TEX261: variants seen among roughly 807,000 people sequenced by gnomAD.
TEX261 encodes testis expressed 261.
A neutral mutation model predicts 25.1 loss-of-function variants in TEX261; 13 were observed. The observed-to-expected ratio is 0.52, with a 90% CI of 0.34 to 0.82. The LOEUF is 0.82. Among genes scored for constraint, TEX261 ranks in the 40% least tolerant of loss-of-function variants. The probability of loss-of-function intolerance (pLI) is 0.02; values close to 1 mark genes in which losing one functional copy is unlikely to be tolerated. For synonymous variants in TEX261, 92 were observed against 97.8 expected (o/e 0.94, Z 0.35); for missense variants, 206 against 243.2 (o/e 0.85, Z 1.02).
intron 1 of TEX261, chr2:70,994,448 G>C: frequency 1.7e-6 from 1 of 573,510 alleles, no homozygotes; most frequent in East Asian, 3.4e-5. Flanking sequence ...CGGCACTCGA[G>C]TCACCCTTTC....
chr2:70,994,546 G>A (rs1273703311), intron 1 of TEX261, 142 bp downstream of exon 1: 1 of 1,241,262 alleles, frequency 8.1e-7, no homozygotes, highest in Non-Finnish European at 1.1e-6. Context: ...GGCAGGATCA[G>A]GCGGGAAGGG....
At chr2:70,993,394 G>A (rs1670341957) in intron 2 of TEX261, among the ~76,000 whole-genome samples, 1 of 152,228 alleles carries the variant, frequency 6.6e-6, no homozygotes, top group African/African-American at 2.4e-5. Flanking sequence ...AAGACAGCGG[G>A]AGAGAGCTAA....
rs184076130 is a variant in TEX261 at position 70,992,052 on chromosome 2, C to T, written c.151-69G>A. On this transcript the variant is annotated intron_variant, in intron 2 of 5. Transcript: ENST00000272438. The stretch of plus-strand genomic sequence containing the variant: ...CAACGTTCCTGGACTCACCAACCCC[C>T]AGCCCGCTCTGGGCAGCACTAGGTT... 4.7e-3 allele frequency: 6,892 copies of T among 1,462,454 alleles called. 30 individuals carry two copies. Among genetic ancestry groups the T allele is most frequent in the Non-Finnish European group, 5.9e-3 (6,437 of 1,097,880 alleles). 90.6% of individuals were successfully genotyped at this position (1,462,454 alleles called of 1,614,324 possible).
At chr2:70,990,763 A>G (rs1358834907) in intron 3 of TEX261, among the ~76,000 whole-genome samples, 13 of 152,074 alleles carry the variant, frequency 8.5e-5, no homozygotes, top group Admixed American at 8.5e-4. Flanking sequence ...CTTTTGGAAA[A>G]ACTCTTTTAG....
rs1670212951 is a variant in TEX261 at position 70,987,456 on chromosome 2, C to T, written c.*1144G>A. 1 of 152,650 alleles carries T rather than the reference C, an allele frequency of 6.6e-6. No individual in the cohort carries two copies. Among genetic ancestry groups the T allele is most frequent in the Non-Finnish European group, 1.5e-5 (1 of 68,056 alleles). 9.5% of individuals were successfully genotyped at this position (152,650 alleles called of 1,614,324 possible). A position where few individuals can be genotyped will look rare whatever the true frequency, so the allele number is the denominator to read the frequency against. ...GCCAGCCTCACTTTGAGGTATAGAA[C>T]ATGGCCAGAAATGGCTCTCATAGGG... On this transcript the variant is annotated 3_prime_UTR_variant, in exon 6 of 6. Coordinates refer to ENST00000272438, the MANE Select transcript of TEX261 (RefSeq NM_144582.3).
At position 70,988,541 on chromosome 2, in the gene TEX261, T is replaced by C. The variant is rs1281377538; in HGVS notation, c.*59A>G. On this transcript the variant is annotated 3_prime_UTR_variant, in exon 6 of 6. Transcript: ENST00000272438. Reference sequence around the variant, plus strand: ...CCCGACTTCTGGTCCCCACCTGGCATAGAGGCCCAGGGGCCTGACTCTCCT... The same window carrying C: ...CCCGACTTCTGGTCCCCACCTGGCACAGAGGCCCAGGGGCCTGACTCTCCT... 2.2e-6 allele frequency: 3 copies of C among 1,372,194 alleles called. No homozygotes were observed. The highest frequency in any genetic ancestry group is 1.8e-4 in the Middle Eastern group (1 of 5,410). The allele number at this position is 1,372,194 out of a possible 1,614,324, so 85.0% of individuals were successfully genotyped here. A position where few individuals can be genotyped will look rare whatever the true frequency, so the allele number is the denominator to read the frequency against.
intron 3 of TEX261, 76 bp from the exon 4 acceptor site, chr2:70,989,892 A>G (rs1297591237): frequency 9.3e-7 from 1 of 1,071,388 alleles, no homozygotes; most frequent in African/African-American, 1.6e-5. Flanking sequence ...AAAGGCCCTC[A>G]GAAGTTGGGA....
intron 3 of TEX261, among the ~76,000 whole-genome samples, chr2:70,990,927 AAGGAAG>A (rs2104872338): frequency 6.6e-6 from 1 of 152,300 alleles, no homozygotes; most frequent in South Asian, 2.1e-4. Context: ...AATCACACCC[AAGGAAG>A]AAACCAGTTT....
At chr2:70,994,428 G>C (rs1472107299) in intron 1 of TEX261, 1 of 549,658 alleles carries the variant, frequency 1.8e-6, no homozygotes, top group East Asian at 3.5e-5. Context: ...GCGGTCCGCA[G>C]ACGCGGGGGC....
chr2:70,992,830 C>CT (rs1453890253), intron 2 of TEX261, among the ~76,000 whole-genome samples: 4 of 152,074 alleles, frequency 2.6e-5, no homozygotes, highest in Non-Finnish European at 5.9e-5. Flanking sequence ...ATTTATGTTC[C>CT]TTTTTTTAAA....
chr2:70,989,059 C>T (rs1553425312), intron 4 of TEX261, 42 bp from the exon 5 acceptor site: 1 of 1,560,104 alleles, frequency 6.4e-7, no homozygotes, highest in East Asian at 2.3e-5. Context: ...CCCGGAGGTG[C>T]CAAGAGTGGG....
Position 70,987,524 on chromosome 2 carries a change from T to C in TEX261, c.*1076A>G, listed in dbSNP as rs942110111. 1.3e-5 allele frequency: 2 copies of C among 152,612 alleles called. No homozygotes were observed. Among genetic ancestry groups the C allele is most frequent in the South Asian group, 2.1e-4 (1 of 4,832 alleles). The allele number at this position is 152,612 out of a possible 1,614,324, so 9.5% of individuals were successfully genotyped here. On this transcript the variant is annotated 3_prime_UTR_variant, in exon 6 of 6. Coordinates refer to ENST00000272438, the MANE Select transcript of TEX261 (RefSeq NM_144582.3). ...ACTGTTGAGCACTTGCAAGGCACTA[T>C]AGTTGGAGTGCAAGGTCAACAAATG...
In TEX261 at chr2:70,994,730, G is replaced by A. The variant is rs1553426051; in HGVS notation, c.28C>T (p.Leu10=). The A allele has an allele frequency of 6.2e-7, 1 of 1,606,764 alleles. No individual in the cohort carries two copies. The highest frequency in any genetic ancestry group is 8.5e-7 in the Non-Finnish European group (1 of 1,177,374). MWFMYLLSW[L]SLFIQVAFIT... ...AAGGCCACCTGGATGAAGAGCGACA[G>A]CCAGCTCAGCAGGTACATGAACCAC... The change falls in exon 1 of 6, where the codon CTG becomes TTG. Residue 10 remains leucine, a synonymous_variant. Coordinates refer to ENST00000272438, the MANE Select transcript of TEX261 (RefSeq NM_144582.3).
intron 2 of TEX261, among the ~76,000 whole-genome samples, 163 bp from the exon 3 acceptor site, chr2:70,992,146 ATT>A (rs112462352): frequency 2.9e-4 from 39 of 136,554 alleles, no homozygotes; most frequent in African/African-American, 5.9e-4. Flanking sequence ...AAAAGGCAAC[ATT>A]TTTTTTTTTT....
At position 70,988,791 on chromosome 2, in the gene TEX261, C is replaced by CCTCCCAACCCCGAGTCCAGGTGT. The variant is rs1670244757; in HGVS notation, c.476-99_476-77dup. ...GTGTGCGCATGTGTGTGAACACGGC[C>CCTCCCAACCCCGAGTCCAGGTGT]CTCCCAACCCCGAGTCCAGGTGTCT... is the stretch of plus-strand genomic sequence containing the variant. On this transcript the variant is annotated intron_variant, in intron 5 of 5. Transcript: ENST00000272438. 5 of 1,517,668 alleles carry CCTCCCAACCCCGAGTCCAGGTGT rather than the reference C, an allele frequency of 3.3e-6. No homozygotes were observed. The Admixed American group carries it at 8.4e-5, about 26-fold the overall frequency. The allele number at this position is 1,517,668 out of a possible 1,614,324, so 94.0% of individuals were successfully genotyped here. A position where few individuals can be genotyped will look rare whatever the true frequency, so the allele number is the denominator to read the frequency against.
chr2:70,988,350 G>A lies in TEX261; in HGVS notation c.*250C>T. 2.1e-6 allele frequency: 1 copy of A among 486,844 alleles called. No individual in the cohort carries two copies. The highest frequency in any genetic ancestry group is 3.8e-6 in the Non-Finnish European group (1 of 265,728). 30.2% of individuals were successfully genotyped at this position (486,844 alleles called of 1,614,324 possible). ...TTGGAAGGGACAGGGGAGGACTGAG[G>A]GACCTCGGCCTCCTGGCTAAGCAGG... On this transcript the variant is annotated 3_prime_UTR_variant, in exon 6 of 6. Coordinates refer to ENST00000272438, the MANE Select transcript of TEX261 (RefSeq NM_144582.3).
chr2:70,994,176 C>T (rs1670361819), intron 1 of TEX261, among the ~76,000 whole-genome samples: 1 of 152,192 alleles, frequency 6.6e-6, no homozygotes, highest in Non-Finnish European at 1.5e-5. Flanking sequence ...GAGAGACAGA[C>T]GAGTTTAGTG....
rs1233051101 is a variant in TEX261, at chr2:70,993,727, G to A, written c.119C>T (p.Ala40Val). 16 of 1,613,484 alleles carry A rather than the reference G, an allele frequency of 9.9e-6. No homozygotes were observed. Among genetic ancestry groups the A allele is most frequent in the Non-Finnish European group, 1.3e-5 (15 of 1,179,992 alleles). The part of the protein sequence containing the change: ...LAELIEEYTV[A>V]TSRIIKYMIW... ...CATGTATTTTATGATCCTGCTGGTG[G>A]CCACTGTGTATTCTTCTATCAGTTC... is the stretch of plus-strand genomic sequence containing the variant. Residue 40 changes from alanine (A) to valine (V), a missense_variant, in exon 2 of 6, where the codon GCC becomes GTC. Transcript: ENST00000272438.
At chr2:70,991,663 G>A in intron 3 of TEX261, 167 bp downstream of exon 3, 1 of 708,902 alleles carries the variant, frequency 1.4e-6, no homozygotes, top group Admixed American at 3.1e-5. Flanking sequence ...TAGAGCCAAG[G>A]TGGGCTCTAG....
Sources: allele counts gnomAD v4.1 joint callset (sites outside exome capture counted in the v4.1 genomes callset), GRCh38; gene constraint gnomAD v4.1.1; transcripts MANE v1.5; gene names NCBI Gene and HGNC (gene_info 2026-07-23, HGNC 2026-07-21).